Variants in RGS17 observed in about 807,000 individuals in gnomAD.
The protein encoded by RGS17 is regulator of G protein signaling 17, also known as regulator of G-protein signaling 17.
A neutral mutation model predicts 25.5 loss-of-function variants in RGS17; 12 were observed. The ratio of observed to expected loss-of-function variants is 0.47; its 90% CI spans 0.30 to 0.76. RGS17 has a LOEUF of 0.76. Among genes scored for constraint, RGS17 ranks in the 30% least tolerant of loss-of-function variants. The pLI is 0.07. For synonymous variants in RGS17, 71 were observed against 76.9 expected (o/e 0.92, Z 0.40); for missense variants, 196 against 242.2 (o/e 0.81, Z 1.27).
At chr6:153,039,561 T>C (rs983024168) in intron 2 of RGS17, among the ~76,000 whole-genome samples, 2 of 152,220 alleles carry the variant, frequency 1.3e-5, no homozygotes, top group African/African-American at 4.8e-5. Context: ...CCTGTTTTGC[T>C]TGATGGGACA....
intron 1 of RGS17, among the ~76,000 whole-genome samples, chr6:153,121,932 TTCAG>T (rs1427270733): frequency 6.6e-6 from 1 of 152,214 alleles, no homozygotes; most frequent in African/African-American, 2.4e-5. Context: ...TACCCAGATG[TTCAG>T]TCAATGAAAT....
At chr6:153,035,495 A>G (rs1776227599) in intron 2 of RGS17, among the ~76,000 whole-genome samples, 1 of 152,234 alleles carries the variant, frequency 6.6e-6, no homozygotes, top group Admixed American at 6.5e-5. Flanking sequence ...GGTTAGGCCC[A>G]TAAGAAATAA....
chr6:153,097,289 G>GTTTTTTTTTT, intron 1 of RGS17, among the ~76,000 whole-genome samples: 1 of 77,316 alleles, frequency 1.3e-5, no homozygotes, highest in Non-Finnish European at 2.6e-5. Context: ...GCGTTTTTTT[G>GTTTTTTTTTT]ATTTTTTTTT....
intron 4 of RGS17, among the ~76,000 whole-genome samples, chr6:153,020,122 ATATATATATATATATATTTTTTTTTTTTT>A (rs1779228705): frequency 4.5e-5 from 4 of 89,618 alleles, no homozygotes; most frequent in African/African-American, 4.6e-5. Flanking sequence ...ATATATATAT[ATATATATATATATATATTTTTTTTTTTTT>A]TTTTTTTTTT....
intron 2 of RGS17, among the ~76,000 whole-genome samples, chr6:153,028,728 T>C (rs1289531109): frequency 6.6e-6 from 1 of 152,264 alleles, no homozygotes; most frequent in Non-Finnish European, 1.5e-5. Flanking sequence ...TCAACCTTTA[T>C]TGAGCTTCTA....
At chr6:153,076,748 G>C (rs1776885934) in intron 1 of RGS17, among the ~76,000 whole-genome samples, 1 of 152,138 alleles carries the variant, frequency 6.6e-6, no homozygotes. Context: ...GATTTTACTA[G>C]ACTGAATAAA....
chr6:153,105,707 AG>A (rs1777369884), intron 1 of RGS17, among the ~76,000 whole-genome samples: 1 of 151,646 alleles, frequency 6.6e-6, no homozygotes. Flanking sequence ...GACAAAAACA[AG>A]GAGGCCTAAA....
intron 1 of RGS17, among the ~76,000 whole-genome samples, chr6:153,066,582 T>C (rs1170219420): frequency 3.3e-5 from 5 of 152,190 alleles, no homozygotes; most frequent in Admixed American, 3.3e-4. Flanking sequence ...TGACTATTGA[T>C]GCAAAAGTCC....
intron 1 of RGS17, among the ~76,000 whole-genome samples, chr6:153,109,588 A>C (rs1441571697): frequency 6.6e-6 from 1 of 152,254 alleles, no homozygotes; most frequent in African/African-American, 2.4e-5. Flanking sequence ...ATTGTATTTT[A>C]ATCTGTCCTT....
intron 1 of RGS17, among the ~76,000 whole-genome samples, chr6:153,086,705 T>C (rs1281031558): frequency 6.6e-6 from 1 of 152,104 alleles, no homozygotes; most frequent in African/African-American, 2.4e-5. Context: ...GAGGAAGAAA[T>C]TAAGATACAG....
chr6:153,112,513 A>G (rs1487925821), intron 1 of RGS17, among the ~76,000 whole-genome samples: 6 of 152,260 alleles, frequency 3.9e-5, no homozygotes, highest in Non-Finnish European at 8.8e-5. Context: ...GATATTATCC[A>G]GGAGAACTTC....
chr6:153,041,357 T>C (rs1264644271), intron 2 of RGS17, among the ~76,000 whole-genome samples: 5 of 152,304 alleles, frequency 3.3e-5, no homozygotes, highest in African/African-American at 1.2e-4. Flanking sequence ...TAACAGAGCA[T>C]GCAGCCAATG....
At chr6:153,087,856 C>CTTATT (rs1316405142) in intron 1 of RGS17, among the ~76,000 whole-genome samples, 1 of 152,176 alleles carries the variant, frequency 6.6e-6, no homozygotes, top group Non-Finnish European at 1.5e-5. Context: ...TGAGATCACC[C>CTTATT]ATAATGATCC....
At chr6:153,087,412 C>T (rs1370099929) in intron 1 of RGS17, among the ~76,000 whole-genome samples, 1 of 152,190 alleles carries the variant, frequency 6.6e-6, no homozygotes, top group Non-Finnish European at 1.5e-5. Context: ...AGCTATCTAT[C>T]GAATCTATAT....
At chr6:153,118,864 A>T (rs6939447) in intron 1 of RGS17, among the ~76,000 whole-genome samples, 68,924 of 151,916 alleles carry the variant, frequency 0.45, 16,234 homozygotes, top group East Asian at 0.85. Context: ...TCTTTGGTGT[A>T]GGATTATTAT....
intron 1 of RGS17, among the ~76,000 whole-genome samples, chr6:153,111,150 C>T (rs1777463790): frequency 6.6e-6 from 1 of 152,118 alleles, no homozygotes; most frequent in Admixed American, 6.5e-5. Flanking sequence ...TCTAGCTCAG[C>T]GGATCCCACC....
At chr6:153,092,606 A>T (rs1017718623) in intron 1 of RGS17, among the ~76,000 whole-genome samples, 17 of 152,166 alleles carry the variant, frequency 1.1e-4, no homozygotes, top group Admixed American at 1.1e-3. Context: ...TGGGCTTGGG[A>T]TGCCACAAAA....
intron 1 of RGS17, among the ~76,000 whole-genome samples, chr6:153,052,976 G>A (rs1327190443): frequency 6.6e-6 from 1 of 152,102 alleles, no homozygotes; most frequent in East Asian, 1.9e-4. Context: ...GTAGTCTGCA[G>A]CCTAAAAGAG....
intron 1 of RGS17, among the ~76,000 whole-genome samples, chr6:153,099,135 T>C (rs926763200): frequency 5.9e-5 from 9 of 152,160 alleles, no homozygotes; most frequent in African/African-American, 2.2e-4. Flanking sequence ...AACACACCAG[T>C]AAGATACACA....
Sources: gnomAD v4.1 joint callset for allele counts (sites outside exome capture counted in the v4.1 genomes callset) on GRCh38, gnomAD v4.1.1 for gene constraint, MANE v1.5 for transcripts, NCBI Gene and HGNC (gene_info 2026-07-23, HGNC 2026-07-21) for gene names.